The following NELL2 variants were observed in gnomAD, a reference collection of about 807,000 sequenced individuals.
NELL2 encodes protein kinase C-binding protein NELL2.
Under a neutral mutation model 109.6 loss-of-function variants are expected in NELL2, and 41 were observed. The observed-to-expected ratio is 0.37, with a 90% confidence interval of 0.29 to 0.49. The LOEUF (loss-of-function observed/expected upper bound fraction) is 0.49. NELL2 is among the 20% of genes least tolerant of loss of function. The pLI is 0.98. For missense variants in NELL2, 900 were observed against 1,008.3 expected, an observed-to-expected ratio of 0.89 and a Z score of 1.45; for synonymous variants, 355 against 344.7, an observed-to-expected ratio of 1.03 and a Z score of -0.33.
At chr12:44,510,374 G>A (rs1940941287) in intron 19 of NELL2, among the ~76,000 whole-genome samples, 1 of 152,162 alleles carries the variant, frequency 6.6e-6, no homozygotes, top group African/African-American at 2.4e-5. Context: ...GCTAGTAAAT[G>A]GTAGAGCTAG....
intron 9 of NELL2, among the ~76,000 whole-genome samples, chr12:44,755,752 T>C (rs984706085): frequency 2.0e-5 from 3 of 152,204 alleles, no homozygotes; most frequent in Non-Finnish European, 4.4e-5. Flanking sequence ...AGCCCTCAAC[T>C]ATCCTTACTT....
chr12:44,732,994 T>C lies in NELL2; in HGVS notation c.995-18253A>G, dbSNP rs531611438. Among the ~76,000 whole-genome samples, 12 of 152,128 alleles carry C rather than the reference T, an allele frequency of 7.9e-5. No homozygotes were observed. In the South Asian group the frequency reaches 1.9e-3, roughly 24 times the overall value. ...AGAAAAATGCAAATCAAAACTGCAA[T>C]GCAACATCACCTCACATCTGCTAGG... On this transcript the variant is annotated intron_variant, in intron 9 of 19. Transcript: ENST00000429094.
At chr12:44,546,048 A>G (rs564109371) in intron 15 of NELL2, among the ~76,000 whole-genome samples, 4 of 152,256 alleles carry the variant, frequency 2.6e-5, no homozygotes, top group African/African-American at 7.2e-5. Context: ...AAAAGACTTT[A>G]TGCATTTTGA....
At chr12:44,712,727 C>T (rs1938271055) in intron 10 of NELL2, among the ~76,000 whole-genome samples, 1 of 151,924 alleles carries the variant, frequency 6.6e-6, no homozygotes, top group Non-Finnish European at 1.5e-5. Context: ...TCACTAGGTA[C>T]ATGTGGCTCT....
intron 13 of NELL2, among the ~76,000 whole-genome samples, chr12:44,656,836 G>A (rs1947521748): frequency 6.6e-6 from 1 of 152,114 alleles, no homozygotes. Flanking sequence ...TAAATCCATT[G>A]AAAGCTATTT....
At chr12:44,828,478 T>C (rs1283528900) in intron 2 of NELL2, among the ~76,000 whole-genome samples, 2 of 152,174 alleles carry the variant, frequency 1.3e-5, no homozygotes, top group Non-Finnish European at 2.9e-5. Context: ...ATAATAAACA[T>C]ATACATTTCT....
intron 12 of NELL2, among the ~76,000 whole-genome samples, chr12:44,666,273 C>T (rs997102574): frequency 1.3e-5 from 2 of 152,118 alleles, no homozygotes; most frequent in Admixed American, 1.3e-4. Context: ...GGATGCTAAC[C>T]CATAAGAAGC....
chr12:44,682,790 G>T (rs1216449393), intron 12 of NELL2, among the ~76,000 whole-genome samples: 3 of 152,092 alleles, frequency 2.0e-5, no homozygotes, highest in African/African-American at 7.2e-5. Flanking sequence ...CTCTGTTTTG[G>T]TACCAGTACC....
rs1400673975 is a variant in NELL2, at chr12:44,779,684, A to T, written c.585T>A (p.Asn195Lys). 7 of 1,613,652 alleles carry T rather than the reference A, an allele frequency of 4.3e-6. No homozygotes were observed. Among genetic ancestry groups the T allele is most frequent in the Non-Finnish European group, 5.9e-6 (7 of 1,179,636 alleles). The change falls in exon 5 of 20, where the codon AAT becomes AAA. Residue 195 changes from asparagine to lysine, a missense_variant. Around this residue, in one of 4 missense-constraint regions of NELL2, gnomAD observed 75 missense variants for 118.9 expected, o/e 0.63. Coordinates refer to ENST00000429094, the MANE Select transcript of NELL2 (RefSeq NM_001145108.2). Reference sequence around the variant, plus strand: ...ATACCTTAAAATATCCATGCGCATTATTTCTCTGTCCTAGCCAAAATGTTG... The same window carrying T: ...ATACCTTAAAATATCCATGCGCATTTTTTCTCTGTCCTAGCCAAAATGTTG... ...LGTTFWLGQR[N>K]NAHGYFKGIM...
At chr12:44,919,456 A>G (rs1052564285) in intron 1 of NELL2, among the ~76,000 whole-genome samples, 6 of 152,166 alleles carry the variant, frequency 3.9e-5, no homozygotes, top group Non-Finnish European at 7.4e-5. Context: ...CCTAACCCCC[A>G]GTACCTGTGA....
chr12:44,537,442 A>C (rs1421695454), intron 15 of NELL2, among the ~76,000 whole-genome samples: 2 of 152,154 alleles, frequency 1.3e-5, no homozygotes, highest in African/African-American at 2.4e-5. Context: ...ATAAAAAAGG[A>C]AAGGAAATCC....
At chr12:44,718,520 T>C (rs1938607555) in intron 9 of NELL2, among the ~76,000 whole-genome samples, 1 of 152,254 alleles carries the variant, frequency 6.6e-6, no homozygotes, top group Admixed American at 6.5e-5. Flanking sequence ...GGCTTGTGTA[T>C]ATGTGAGTGA....
chr12:44,644,600 A>ATT (rs1426344254), intron 13 of NELL2, among the ~76,000 whole-genome samples: 1 of 91,490 alleles, frequency 1.1e-5, no homozygotes. Context: ...ATATATATAT[A>ATT]TATGTATGTA....
At chr12:44,598,794 A>G (rs1169378194) in intron 15 of NELL2, among the ~76,000 whole-genome samples, 1 of 151,718 alleles carries the variant, frequency 6.6e-6, no homozygotes, top group African/African-American at 2.4e-5. Flanking sequence ...GAGGCTCAAG[A>G]CTCCAGCATA....
At chr12:44,857,436 T>C (rs550329337) in intron 2 of NELL2, among the ~76,000 whole-genome samples, 1 of 152,012 alleles carries the variant, frequency 6.6e-6, no homozygotes, top group Non-Finnish European at 1.5e-5. Flanking sequence ...ATAAACCCAC[T>C]TCACAAAGAT....
chr12:44,700,885 G>A (rs985599468), intron 12 of NELL2, among the ~76,000 whole-genome samples: 6 of 152,084 alleles, frequency 3.9e-5, no homozygotes, highest in Non-Finnish European at 8.8e-5. Context: ...ATGAGTGAAT[G>A]AACTCCAGTA....
chr12:44,560,293 C>A (rs1209840597), intron 15 of NELL2, among the ~76,000 whole-genome samples: 2 of 152,024 alleles, frequency 1.3e-5, no homozygotes, highest in Non-Finnish European at 2.9e-5. Flanking sequence ...CAAACAAATT[C>A]AAAAGCTAGC....
chr12:44,682,997 A>G (rs1239960894), intron 12 of NELL2, among the ~76,000 whole-genome samples: 1 of 152,090 alleles, frequency 6.6e-6, no homozygotes, highest in East Asian at 1.9e-4. Flanking sequence ...TGAATCTATA[A>G]ATTACCTTGG....
chr12:44,683,173 T>C (rs1260000928), intron 12 of NELL2, among the ~76,000 whole-genome samples: 1 of 152,182 alleles, frequency 6.6e-6, no homozygotes, highest in Non-Finnish European at 1.5e-5. Context: ...TTTATTCTCT[T>C]TGAAGCAATT....
Sources: allele counts gnomAD v4.1 joint callset (sites outside exome capture counted in the v4.1 genomes callset), GRCh38; gene constraint gnomAD v4.1.1; regional missense constraint gnomAD v4.1.1; transcripts MANE v1.5; gene names NCBI Gene and HGNC (gene_info 2026-07-23, HGNC 2026-07-21).